Variants in THSD4 observed in about 807,000 individuals in gnomAD.
The protein encoded by THSD4 is thrombospondin type-1 domain-containing protein 4.
In THSD4, 69 loss-of-function variants were observed where a neutral mutation model predicts 119.0. The observed-to-expected ratio is 0.58, with a 90% CI of 0.48 to 0.71. The LOEUF (loss-of-function observed/expected upper bound fraction) is 0.71, where lower values mean the gene tolerates loss of function less well. Among genes scored for constraint, THSD4 ranks in the 30% least tolerant of loss-of-function variants. THSD4 has a pLI of 0.00. For synonymous variants in THSD4, 524 were observed against 540.4 expected (o/e 0.97, Z 0.42); for missense variants, 1,393 against 1,391.1 (o/e 1.00, Z -0.02).
intron 14 of THSD4, 22 bp from the exon 15 acceptor site, chr15:71,757,878 ATG>A (rs776210003): frequency 6.2e-7 from 1 of 1,611,898 alleles, no homozygotes; most frequent in Non-Finnish European, 8.5e-7. Flanking sequence ...CTCCTGACTA[ATG>A]TGCCCTTCCC....
chr15:71,657,375 A>G (rs949055483), intron 7 of THSD4, among the ~76,000 whole-genome samples: 3 of 152,234 alleles, frequency 2.0e-5, no homozygotes, highest in African/African-American at 7.2e-5. Flanking sequence ...CATCTAGTCC[A>G]ATTCTTCCCT....
chr15:71,494,338 C>G (rs75384172), intron 7 of THSD4, among the ~76,000 whole-genome samples: 4,460 of 152,130 alleles, frequency 0.029, 97 homozygotes, highest in Non-Finnish European at 0.044. Context: ...TTCTAACCCC[C>G]CTTCCAAGTT....
At chr15:71,709,503 A>AG (rs909510948) in intron 8 of THSD4, among the ~76,000 whole-genome samples, 2 of 152,126 alleles carry the variant, frequency 1.3e-5, no homozygotes, top group Admixed American at 1.3e-4. Context: ...ATTACCTTCC[A>AG]GGGGGGCTCC....
intron 7 of THSD4, among the ~76,000 whole-genome samples, chr15:71,640,325 C>T (rs1286975821): frequency 6.6e-6 from 1 of 152,042 alleles, no homozygotes; most frequent in Non-Finnish European, 1.5e-5. Flanking sequence ...AAGCGATCCC[C>T]CAACCTCAGC....
chr15:71,195,888 A>C (rs1421732906), intron 3 of THSD4, among the ~76,000 whole-genome samples: 1 of 152,216 alleles, frequency 6.6e-6, no homozygotes, highest in Non-Finnish European at 1.5e-5. Flanking sequence ...AGCTGAGTAC[A>C]CTTGACCAAT....
intron 8 of THSD4, among the ~76,000 whole-genome samples, chr15:71,694,715 T>A (rs77668798): frequency 1.3e-5 from 2 of 152,200 alleles, no homozygotes; most frequent in Admixed American, 1.3e-4. Flanking sequence ...TGAACTGAAA[T>A]TTTCAGGACA....
Position 71,415,409 on chromosome 15 carries a change from T to G in THSD4, c.1152+3586T>G, listed in dbSNP as rs557109840. On this transcript the variant is annotated intron_variant, in intron 7 of 17. Transcript: ENST00000261862. ...TTTTTAAAAATTCTTAATTTGTCAT[T>G]TTTGTGGGCACATAATATATATTTA... is the stretch of plus-strand genomic sequence containing the variant. Among the ~76,000 whole-genome samples the G allele has an allele frequency of 4.6e-5, 7 of 152,348 alleles. No individual in the cohort carries two copies. The East Asian group carries it at 1.3e-3, about 29-fold the overall frequency.
intron 2 of THSD4, among the ~76,000 whole-genome samples, chr15:71,142,564 A>T (rs1210548871): frequency 5.3e-5 from 8 of 152,188 alleles, no homozygotes; most frequent in African/African-American, 1.9e-4. Flanking sequence ...TTTGATAAAT[A>T]CCGACATTTG....
intron 4 of THSD4, among the ~76,000 whole-genome samples, chr15:71,227,287 T>A (rs1401643102): frequency 6.6e-6 from 1 of 152,216 alleles, no homozygotes; most frequent in African/African-American, 2.4e-5. Context: ...TTGAACTTTC[T>A]CCAAGTCATT....
chr15:71,411,859 G>A lies in THSD4; in HGVS notation c.1152+36G>A, dbSNP rs779752591. ...CCGAACTGGGGTGAATTCTTAAGGT[G>A]TTTGATCTGTGACTGCTGACTCCAT... On this transcript the variant is annotated intron_variant, in intron 7 of 17. Transcript: ENST00000261862. 23 of 1,611,194 alleles carry A rather than the reference G, an allele frequency of 1.4e-5. 1 individual carries two copies. In the East Asian group the frequency reaches 5.1e-4, roughly 36 times the overall value.
At chr15:71,120,785 T>A (rs935756709) in intron 1 of THSD4, among the ~76,000 whole-genome samples, 1 of 151,984 alleles carries the variant, frequency 6.6e-6, no homozygotes, top group African/African-American at 2.4e-5. Flanking sequence ...CAAGAGGAAA[T>A]GAGATGTTAA....
At chr15:71,192,295 A>G (rs8034685) in intron 3 of THSD4, among the ~76,000 whole-genome samples, 2,562 of 149,402 alleles carry the variant, frequency 0.017, 39 homozygotes, top group South Asian at 0.05. Context: ...TTATTTATTT[A>G]TTTATTTATT....
At chr15:71,238,325 A>G (rs1309522580) in intron 4 of THSD4, among the ~76,000 whole-genome samples, 1 of 152,232 alleles carries the variant, frequency 6.6e-6, no homozygotes, top group Non-Finnish European at 1.5e-5. Context: ...TATAACTTAC[A>G]TACCGTAAAA....
At chr15:71,489,912 C>A (rs1156532125) in intron 7 of THSD4, among the ~76,000 whole-genome samples, 1 of 151,970 alleles carries the variant, frequency 6.6e-6, no homozygotes, top group East Asian at 1.9e-4. Flanking sequence ...AAATTAAAAC[C>A]ACCATCACTG....
rs1421601378 is a variant in THSD4 at position 71,609,861 on chromosome 15, A to AG, written c.1153-50669_1153-50668insG. ...AGCAAGACTCCGTCTCAAAAAAAAA[A>AG]AAAAAAGAAAAAAAGAAAAAGAAAC... On this transcript the variant is annotated intron_variant, in intron 7 of 17. Transcript: ENST00000261862. Among the ~76,000 whole-genome samples, 3 of 146,186 alleles carry AG rather than the reference A, an allele frequency of 2.1e-5. No homozygotes were observed. The South Asian group carries it at 6.5e-4, about 31-fold the overall frequency.
chr15:71,216,973 C>T (rs574224785), intron 4 of THSD4, among the ~76,000 whole-genome samples: 9 of 152,114 alleles, frequency 5.9e-5, no homozygotes, highest in African/African-American at 1.9e-4. Context: ...ATTTTTGTAT[C>T]TTTAGTAGAG....
At chr15:71,235,826 A>T (rs1299736096) in intron 4 of THSD4, among the ~76,000 whole-genome samples, 2 of 152,108 alleles carry the variant, frequency 1.3e-5, no homozygotes, top group African/African-American at 4.8e-5. Flanking sequence ...CCTGGCCTTA[A>T]GTGATTCTCC....
At chr15:71,151,779 T>C (rs376995225) in intron 2 of THSD4, among the ~76,000 whole-genome samples, 23 of 152,342 alleles carry the variant, frequency 1.5e-4, no homozygotes, top group African/African-American at 4.8e-4. Context: ...ACATTCTGTG[T>C]GTAATGAACA....
chr15:71,218,466 C>T (rs964294121), intron 4 of THSD4, among the ~76,000 whole-genome samples: 2 of 152,122 alleles, frequency 1.3e-5, no homozygotes, highest in Non-Finnish European at 2.9e-5. Flanking sequence ...GGCATTGTGC[C>T]TGTGTGTTTT....
Sources: gnomAD v4.1 joint callset for allele counts (sites outside exome capture counted in the v4.1 genomes callset) on GRCh38, gnomAD v4.1.1 for gene constraint, MANE v1.5 for transcripts, NCBI Gene and HGNC (gene_info 2026-07-23, HGNC 2026-07-21) for gene names.